The following BEND7 variants were observed in gnomAD, a reference collection of about 807,000 sequenced individuals.
BEND7 encodes BEN domain-containing protein 7.
Under a neutral mutation model 50.9 loss-of-function variants are expected in BEND7, and 28 were observed. That is an observed-to-expected ratio of 0.55 (90% CI 0.41 to 0.75). The LOEUF (loss-of-function observed/expected upper bound fraction) is 0.75, where lower values mean the gene tolerates loss of function less well. BEND7 is among the 30% of genes least tolerant of loss of function. The pLI is 0.00. For synonymous variants in BEND7, 170 were observed against 183.9 expected, an observed-to-expected ratio of 0.92 and a Z score of 0.61; for missense variants, 477 against 491.3, an observed-to-expected ratio of 0.97 and a Z score of 0.28.
At chr10:13,476,142 T>C (rs1190560055) in intron 6 of BEND7, among the ~76,000 whole-genome samples, 3 of 152,172 alleles carry the variant, frequency 2.0e-5, no homozygotes, top group Non-Finnish European at 2.9e-5. Context: ...TACTATAAGA[T>C]GACAAATATG....
In BEND7 at chr10:13,479,162, A is replaced by G. The variant is rs1222249736; in HGVS notation, c.1063+1737T>C. 3.3e-5 allele frequency among the ~76,000 whole-genome samples: 5 copies of G among 151,982 alleles called. No homozygotes were observed. The South Asian group carries it at 8.3e-4, about 25-fold the overall frequency. On this transcript the variant is annotated intron_variant, in intron 6 of 8. Coordinates refer to ENST00000466271, the MANE Select transcript of BEND7 (RefSeq NM_001369863.1). ...GCTGGGACTACAGGTGTGCATCATCATGCCCCGCTAATTTTTTTTAATTTT... is the reference window on the plus strand; with the variant it reads ...GCTGGGACTACAGGTGTGCATCATCGTGCCCCGCTAATTTTTTTTAATTTT...
chr10:13,467,851 T>A (rs1335745355), intron 6 of BEND7, among the ~76,000 whole-genome samples: 1 of 152,188 alleles, frequency 6.6e-6, no homozygotes, highest in Admixed American at 6.5e-5. Context: ...ACTGACTGAT[T>A]TCTTCCTTCC....
chr10:13,450,873 G>C (rs916407109), intron 7 of BEND7, among the ~76,000 whole-genome samples: 2 of 152,060 alleles, frequency 1.3e-5, no homozygotes, highest in African/African-American at 2.4e-5. Flanking sequence ...ATTATTAATA[G>C]AAATGAGACA....
intron 6 of BEND7, among the ~76,000 whole-genome samples, chr10:13,480,226 CACTGGA>C (rs2075760751): frequency 6.6e-6 from 1 of 152,192 alleles, no homozygotes; most frequent in Non-Finnish European, 1.5e-5. Flanking sequence ...TAGGATGTGG[CACTGGA>C]TATAAATGCA....
At chr10:13,454,987 C>A (rs1228548683) in intron 6 of BEND7, among the ~76,000 whole-genome samples, 1 of 152,168 alleles carries the variant, frequency 6.6e-6, no homozygotes, top group Non-Finnish European at 1.5e-5. Flanking sequence ...GCCTGGCCAA[C>A]ACAGTGAAAC....
chr10:13,439,378 C>T (rs766785485), downstream of BEND7: 2 of 1,614,180 alleles, frequency 1.2e-6, no homozygotes, highest in East Asian at 2.2e-5. Context: ...AGATGCTGCT[C>T]CTCCCAGGGT....
intron 6 of BEND7, among the ~76,000 whole-genome samples, chr10:13,458,480 C>T (rs1186961993): frequency 6.6e-6 from 1 of 152,216 alleles, no homozygotes; most frequent in Non-Finnish European, 1.5e-5. Context: ...CTAGCAGACA[C>T]TTTAAGAAGC....
chr10:13,440,213 C>G (rs139526805), downstream of BEND7, among the ~76,000 whole-genome samples: 1 of 152,294 alleles, frequency 6.6e-6, no homozygotes, highest in Non-Finnish European at 1.5e-5. Context: ...TCAAAGCACC[C>G]ATCCCTGCCA....
At chr10:13,476,098 C>A (rs2075410880) in intron 6 of BEND7, among the ~76,000 whole-genome samples, 1 of 151,396 alleles carries the variant, frequency 6.6e-6, no homozygotes, top group South Asian at 2.1e-4. Flanking sequence ...GAGCTATTCA[C>A]TTTTTTTTTA....
chr10:13,486,427 G>C (rs184416812), intron 5 of BEND7, among the ~76,000 whole-genome samples: 20 of 152,302 alleles, frequency 1.3e-4, no homozygotes, highest in Non-Finnish European at 2.5e-4. Context: ...TGTTCCTGTT[G>C]AGCAGCTCAG....
chr10:13,500,844 G>T (rs925687053), intron 2 of BEND7: 2 of 985,294 alleles, frequency 2.0e-6, no homozygotes, highest in Non-Finnish European at 2.4e-6. Context: ...CTGGAAGGGC[G>T]GAAGTGCAAC....
At position 13,497,480 on chromosome 10, in the gene BEND7, T is replaced by C. The variant is rs942476700; in HGVS notation, c.449-592A>G. ...GATGGGAGGATATATTCGAATTGGA[T>C]GCGTTCGAGGGTATTGGTGGGCTGG... On this transcript the variant is annotated intron_variant, in intron 3 of 8. Transcript: ENST00000466271. Among the ~76,000 whole-genome samples, 4 of 152,318 alleles carry C rather than the reference T, an allele frequency of 2.6e-5. 1 individual carries two copies. Among genetic ancestry groups the C allele is most frequent in the Middle Eastern group, 3.4e-3 (1 of 294 alleles).
chr10:13,461,712 G>C (rs890358887), intron 6 of BEND7, among the ~76,000 whole-genome samples: 1 of 147,738 alleles, frequency 6.8e-6, no homozygotes, highest in Non-Finnish European at 1.5e-5. Context: ...CAGCCTGGGA[G>C]ACAGAGCGAG....
chr10:13,496,679 T>TA (rs1475673207), intron 4 of BEND7, 87 bp downstream of exon 4: 1 of 1,455,488 alleles, frequency 6.9e-7, no homozygotes, highest in South Asian at 1.4e-5. Context: ...AAGAAGGCTT[T>TA]AATAAAAGCA....
At chr10:13,519,611 C>T (rs575525647) in intron 2 of BEND7, among the ~76,000 whole-genome samples, 133 of 152,288 alleles carry the variant, frequency 8.7e-4, no homozygotes, top group African/African-American at 3.1e-3. Context: ...TTCGCATGTG[C>T]GTCAGGAGGG....
At chr10:13,449,056 A>G (rs1386165543) in intron 7 of BEND7, among the ~76,000 whole-genome samples, 1 of 152,104 alleles carries the variant, frequency 6.6e-6, no homozygotes, top group Non-Finnish European at 1.5e-5. Flanking sequence ...GGTGTGATTA[A>G]GATTCTGGAA....
intron 2 of BEND7, among the ~76,000 whole-genome samples, chr10:13,510,158 G>A (rs182434101): frequency 7.2e-5 from 11 of 152,012 alleles, no homozygotes; most frequent in Non-Finnish European, 1.3e-4. Flanking sequence ...ACTAATGATG[G>A]AAAAATGGGC....
At chr10:13,512,171 T>C (rs2132478213) in intron 2 of BEND7, among the ~76,000 whole-genome samples, 1 of 152,278 alleles carries the variant, frequency 6.6e-6, no homozygotes, top group Admixed American at 6.5e-5. Flanking sequence ...GGCAGGAGGA[T>C]CACTTGAGCC....
intron 2 of BEND7, among the ~76,000 whole-genome samples, 189 bp downstream of exon 2, chr10:13,525,948 TC>T (rs1160544813): frequency 1.3e-5 from 2 of 152,236 alleles, no homozygotes; most frequent in Non-Finnish European, 2.9e-5. Flanking sequence ...AACATTTATG[TC>T]TGAAATTACA....
Sources: allele counts gnomAD v4.1 joint callset (sites outside exome capture counted in the v4.1 genomes callset), GRCh38; gene constraint gnomAD v4.1.1; transcripts MANE v1.5; gene names NCBI Gene and HGNC (gene_info 2026-07-23, HGNC 2026-07-21).